SF3B2: variants seen among roughly 807,000 people sequenced by gnomAD.
SF3B2 encodes SAP 145.
Under a neutral mutation model 116.3 loss-of-function variants are expected in SF3B2, and 22 were observed. The ratio of observed to expected loss-of-function variants is 0.19; its 90% CI spans 0.14 to 0.27. The LOEUF is 0.27. Among genes scored for constraint, SF3B2 ranks in the 10% least tolerant of loss-of-function variants. The probability of loss-of-function intolerance (pLI) is 1.00; values close to 1 mark genes in which losing one functional copy is unlikely to be tolerated. For synonymous variants in SF3B2, 406 were observed against 421.6 expected, an observed-to-expected ratio of 0.96 and a Z score of 0.45; for missense variants, 767 against 1,151.4, an observed-to-expected ratio of 0.67 and a Z score of 4.83.
intron 19 of SF3B2, 58 bp downstream of exon 19, chr11:66,063,787 G>A (rs1413311879): frequency 1.5e-6 from 2 of 1,361,332 alleles, no homozygotes; most frequent in Non-Finnish European, 2.0e-6. Flanking sequence ...TGGCTGGCTG[G>A]CTGACTGTTG....
In SF3B2 at chr11:66,056,858, G is replaced by T; in HGVS notation, c.570G>T (p.Gln190His). ...CGTAGGCAGCTGTGTTACTGGAGCA[G>T]GAACGACAGCAGGAGATTGCCAAGA... ...QQKRAAVLLE[Q>H]ERQQEIAKMG... Residue 190 changes from glutamine (Q) to histidine (H), a missense_variant, in exon 6 of 22, where the codon CAG becomes CAT. Physicochemically the swap from Gln to His is conservative, Grantham distance 24 (BLOSUM62 0). Around this residue, in one of 4 missense-constraint regions of SF3B2, gnomAD observed 455 missense variants for 537.5 expected, o/e 0.85. Coordinates refer to ENST00000322535, the MANE Select transcript of SF3B2 (RefSeq NM_006842.3). 1.2e-6 allele frequency: 2 copies of T among 1,614,046 alleles called. No individual in the cohort carries two copies. The highest frequency in any genetic ancestry group is 1.7e-6 in the Non-Finnish European group (2 of 1,179,954).
chr11:66,053,086 A>C lies in SF3B2; in HGVS notation c.240A>C (p.Pro80=), dbSNP rs1029700952. Reference sequence around the variant, plus strand: ...GGGAAGATGGGGACAAAGCCGCTCCACCTCCCATGTCGGCACAGGTAGGGA... The same window carrying C: ...GGGAAGATGGGGACAAAGCCGCTCCCCCTCCCATGTCGGCACAGGTAGGGA... ...LRGEDGDKAA[P]PPMSAQLPGI... Residue 80 remains proline (P), a synonymous_variant, in exon 3 of 22, where the codon CCA becomes CCC. Transcript: ENST00000322535. The C allele has an allele frequency of 6.2e-7, 1 of 1,613,730 alleles. No individual in the cohort carries two copies. The highest frequency in any genetic ancestry group is 8.5e-7 in the Non-Finnish European group (1 of 1,179,912).
chr11:66,058,275 T>C (rs756875695), intron 8 of SF3B2, 39 bp from the exon 9 acceptor site: 1 of 1,592,012 alleles, frequency 6.3e-7, no homozygotes, highest in Non-Finnish European at 8.6e-7. Context: ...TGCAGGGCAG[T>C]GGCACCGTGA....
Position 66,056,887 on chromosome 11 carries a change from G to A in SF3B2, c.599G>A (p.Gly200Asp). The A allele has an allele frequency of 6.2e-7, 1 of 1,614,138 alleles. No homozygotes were observed. Among genetic ancestry groups the A allele is most frequent in the Non-Finnish European group, 8.5e-7 (1 of 1,180,028 alleles). The change falls in exon 6 of 22, where the codon GGC (glycine) becomes GAC (aspartate). Residue 200 changes from glycine to aspartate, a missense_variant. This residue lies in a region of SF3B2 where 455 missense variants were observed against 537.5 expected (regional missense o/e 0.85). Coordinates refer to ENST00000322535, the MANE Select transcript of SF3B2 (RefSeq NM_006842.3). The part of the protein sequence containing the change: ...QERQQEIAKM[G>D]TPVPRPPQDM... ...CGACAGCAGGAGATTGCCAAGATGGGCACCCCAGTCCCTCGGCCCCCACAA... is the reference window on the plus strand; with the variant it reads ...CGACAGCAGGAGATTGCCAAGATGGACACCCCAGTCCCTCGGCCCCCACAA...
At chr11:66,065,775 C>G (rs770173567) in intron 19 of SF3B2, 12 of 152,116 alleles carry the variant, frequency 7.9e-5, no homozygotes, top group Non-Finnish European at 1.8e-4. Context: ...ATATAATTCT[C>G]CTTTCTAGAA....
At position 66,068,165 on chromosome 11, in the gene SF3B2, C is replaced by T. The variant is rs146187153; in HGVS notation, c.2448C>T (p.Gly816=). 3.4e-5 allele frequency: 55 copies of T among 1,614,086 alleles called. No homozygotes were observed. The highest frequency in any genetic ancestry group is 4.6e-5 in the Non-Finnish European group (54 of 1,180,042). The change falls in exon 21 of 22, where the codon GGC becomes GGT. Residue 816 remains glycine (G), a synonymous_variant. Transcript: ENST00000322535. ...CTTTCCAGGTTATGAGCCGGAAGGGCCCGGCTCCTGAGCTGCAAGGTGTGG... is the reference window on the plus strand; with the variant it reads ...CTTTCCAGGTTATGAGCCGGAAGGGTCCGGCTCCTGAGCTGCAAGGTGTGG... The part of the protein sequence containing the change: ...YDMSTVMSRK[G]PAPELQGVEV...
intron 3 of SF3B2, 151 bp downstream of exon 3, chr11:66,053,255 A>T (rs915051353): frequency 5.3e-6 from 4 of 760,812 alleles, no homozygotes; most frequent in Middle Eastern, 3.8e-4. Context: ...AAGATTCCAT[A>T]TGTTCAGGGT....
Position 66,057,328 on chromosome 11 carries a change from C to G in SF3B2, c.730C>G (p.Pro244Ala), listed in dbSNP as rs201649157. 2.7e-4 allele frequency: 426 copies of G among 1,605,730 alleles called. No individual in the cohort carries two copies. Among genetic ancestry groups the G allele is most frequent in the Non-Finnish European group, 3.4e-4 (402 of 1,172,486 alleles). ...AGTTTTGCCCATGGGAGCCCCTGTT[C>G]CCCGGCCTCGTGGTCCCCCACCGCC... ...PTVLPMGAPV[P>A]RPRGPPPPPG... is the part of the protein sequence containing the mutation. The change falls in exon 7 of 22, where the codon CCC (proline) becomes GCC (alanine). Residue 244 changes from proline to alanine, a missense_variant. Pro to Ala is a conservative substitution (Grantham distance 27). Coordinates refer to ENST00000322535, the MANE Select transcript of SF3B2 (RefSeq NM_006842.3).
Position 66,058,362 on chromosome 11 carries a change from C to T in SF3B2, c.923C>T (p.Ala308Val). The T allele has an allele frequency of 1.2e-6, 2 of 1,613,992 alleles. No individual in the cohort carries two copies. Among genetic ancestry groups the T allele is most frequent in the East Asian group, 2.2e-5 (1 of 44,878 alleles). ...TDARSSLGQS[A>V]SETEEDTVSV... ...GCTCGCTCGTCCCTGGGCCAGTCAG[C>T]GTCAGAGACTGAGGAGGACACAGTG... The change falls in exon 9 of 22, where the codon GCG (alanine) becomes GTG (valine). Residue 308 changes from alanine to valine, a missense_variant. Coordinates refer to ENST00000322535, the MANE Select transcript of SF3B2 (RefSeq NM_006842.3).
chr11:66,057,915 T>G, intron 7 of SF3B2, 139 bp from the exon 8 acceptor site: 1 of 611,734 alleles, frequency 1.6e-6, no homozygotes, highest in East Asian at 3.2e-5. Flanking sequence ...GAGGTTGTGG[T>G]GGGCCGAGAT....
At chr11:66,056,999 G>T (rs1387626678) in intron 6 of SF3B2, 44 bp downstream of exon 6, 2 of 1,435,560 alleles carry the variant, frequency 1.4e-6, no homozygotes, top group African/African-American at 2.8e-5. Context: ...AGGTGATTTA[G>T]ACATTTTTAA....
At chr11:66,060,143 C>T in intron 13 of SF3B2, 134 bp downstream of exon 13, 3 of 793,586 alleles carry the variant, frequency 3.8e-6, no homozygotes, top group South Asian at 3.5e-5. Flanking sequence ...TTTTGTTTTC[C>T]TCCTCTGCTC....
chr11:66,061,127 C>G (rs1351751368), intron 14 of SF3B2, among the ~76,000 whole-genome samples: 1 of 152,168 alleles, frequency 6.6e-6, no homozygotes, highest in Admixed American at 6.5e-5. Flanking sequence ...TACGATAGTT[C>G]CTCAGCCTTA....
At chr11:66,067,776 C>T (rs1392747839) in intron 19 of SF3B2, 170 bp from the exon 20 acceptor site, 14 of 610,546 alleles carry the variant, frequency 2.3e-5, no homozygotes, top group Middle Eastern at 4.5e-4. Flanking sequence ...CTGTGCCACC[C>T]CCCCGCCCAA....
chr11:66,059,700 G>A lies in SF3B2; in HGVS notation c.1402-82G>A. ...CTTTGAAGGAGGTGTGGGTGATTTG[G>A]GTTTGGGTCCTTTGAGGAAGAAGAG... On this transcript the variant is annotated intron_variant, in intron 12 of 21. Transcript: ENST00000322535. The surrounding 1 kb of genome is among the most constrained non-coding windows in gnomAD (Gnocchi z 5.0). 1.9e-6 allele frequency: 3 copies of A among 1,593,162 alleles called. No individual in the cohort carries two copies. Among genetic ancestry groups the A allele is most frequent in the Non-Finnish European group, 2.6e-6 (3 of 1,161,508 alleles).
rs918253949 is a variant in SF3B2 at position 66,054,253 on chromosome 11, G to A, written c.259-823G>A. ...AGCACTTTGGGAGGCTGAGGTGGGC[G>A]ATCACTTGAGGTCACGAGTTCAAGA... On this transcript the variant is annotated intron_variant, in intron 3 of 21. Transcript: ENST00000322535. Among the ~76,000 whole-genome samples the A allele has an allele frequency of 7.9e-5, 12 of 151,694 alleles. No individual in the cohort carries two copies. In the East Asian group the frequency reaches 2.3e-3, roughly 29 times the overall value.
At position 66,068,432 on chromosome 11, in the gene SF3B2, C is replaced by T. The variant is rs1339053837; in HGVS notation, c.2616+99C>T. 7.4e-6 allele frequency: 9 copies of T among 1,221,554 alleles called. No individual in the cohort carries two copies. In the African/African-American group the frequency reaches 1.2e-4, roughly 17 times the overall value. 75.7% of individuals were successfully genotyped at this position (1,221,554 alleles called of 1,614,324 possible). On this transcript the variant is annotated intron_variant, in intron 21 of 21. Coordinates refer to ENST00000322535, the MANE Select transcript of SF3B2 (RefSeq NM_006842.3). ...CCTCTAGTGGTGAGAGTGAGGGTGG[C>T]CTCTGCTTGCTGCTCTGTGCTTCCT... is the stretch of plus-strand genomic sequence containing the variant.
chr11:66,066,853 TTCTC>T, intron 19 of SF3B2: 1 of 153,916 alleles, frequency 6.5e-6, no homozygotes, highest in Admixed American at 6.4e-5. Flanking sequence ...CTCTGCTCTT[TTCTC>T]CAGTACTCTA....
At chr11:66,066,953 C>T (rs566854856) in intron 19 of SF3B2, 3 of 166,214 alleles carry the variant, frequency 1.8e-5, no homozygotes, top group African/African-American at 7.2e-5. Flanking sequence ...CTCCATGAGT[C>T]TCCCCTCTGT....
Sources: gnomAD v4.1 joint callset for allele counts (sites outside exome capture counted in the v4.1 genomes callset) on GRCh38, gnomAD v4.1.1 for gene constraint, gnomAD v4.1.1 regional missense constraint, Gnocchi (gnomAD v3.1) non-coding constraint, MANE v1.5 for transcripts, NCBI Gene and HGNC (gene_info 2026-07-23, HGNC 2026-07-21) for gene names.